Variants in RBFOX1 observed in about 807,000 individuals in gnomAD.
The protein encoded by RBFOX1 is RNA binding protein fox-1 homolog 1.
A neutral mutation model predicts 57.7 loss-of-function variants in RBFOX1; 8 were observed. The ratio of observed to expected loss-of-function variants is 0.14; its 90% CI spans 0.08 to 0.25. RBFOX1 has a LOEUF of 0.25. Ranked by LOEUF, RBFOX1 falls within the 10% of genes least tolerant of loss-of-function variation. The pLI, the probability that RBFOX1 is intolerant of heterozygous loss-of-function variation, is 1.00. For synonymous variants in RBFOX1, 326 were observed against 222.4 expected (o/e 1.47, Z -4.15); for missense variants, 611 against 548.5 (o/e 1.11, Z -1.14).
intron 3 of RBFOX1, among the ~76,000 whole-genome samples, chr16:6,749,957 A>G (rs2074593299): frequency 1.3e-5 from 2 of 152,204 alleles, no homozygotes; most frequent in South Asian, 4.1e-4. Context: ...GTTAGTAGGC[A>G]CACAAATGAA....
intron 4 of RBFOX1, among the ~76,000 whole-genome samples, chr16:7,402,908 C>T (rs550121508): frequency 6.6e-6 from 1 of 152,184 alleles, no homozygotes; most frequent in South Asian, 2.1e-4. Flanking sequence ...AAACTGTGGT[C>T]TATAGATGTA....
intron 2 of RBFOX1, among the ~76,000 whole-genome samples, chr16:5,556,842 A>G (rs11640221): frequency 0.38 from 57,925 of 151,908 alleles, 11,323 homozygotes; most frequent in Non-Finnish European, 0.42. Context: ...TGTGTACCCT[A>G]TTACTTCCCT....
intron 3 of RBFOX1, among the ~76,000 whole-genome samples, chr16:6,817,025 G>A (rs1384120585): frequency 2.0e-5 from 3 of 152,222 alleles, no homozygotes; most frequent in East Asian, 3.9e-4. Flanking sequence ...TGAGATGGCA[G>A]GTGCGAGTCA....
intron 3 of RBFOX1, among the ~76,000 whole-genome samples, chr16:6,871,478 G>A (rs1476098116): frequency 6.6e-6 from 1 of 152,038 alleles, no homozygotes; most frequent in Non-Finnish European, 1.5e-5. Flanking sequence ...GAGCCACCGT[G>A]CCCGGCCTCA....
intron 4 of RBFOX1, among the ~76,000 whole-genome samples, chr16:7,208,835 T>C (rs966256882): frequency 6.6e-6 from 1 of 152,054 alleles, no homozygotes; most frequent in African/African-American, 2.4e-5. Flanking sequence ...AGATTCTGTG[T>C]CTGTAAGCAA....
intron 4 of RBFOX1, among the ~76,000 whole-genome samples, chr16:7,210,028 C>G (rs1029929635): frequency 2.0e-5 from 3 of 152,120 alleles, no homozygotes; most frequent in African/African-American, 7.2e-5. Flanking sequence ...CAGTGAAAAC[C>G]AGGGATAGCG....
chr16:5,412,863 A>G lies in RBFOX1; in HGVS notation c.220-54353A>G, dbSNP rs142391185. On this transcript the variant is annotated intron_variant, in intron 1 of 2. Coordinates refer to the RBFOX1 transcript ENST00000585867. ...TGGGAAGGATCCAGGAGTCCTGAGC[A>G]GACAACTGTGAGCAAATGCTGGAAT... Among the ~76,000 whole-genome samples the G allele has an allele frequency of 5.2e-3, 796 of 152,312 alleles. 14 individuals carry two copies. The highest frequency in any genetic ancestry group is 0.018 in the African/African-American group (735 of 41,574).
chr16:5,539,152 G>A (rs552537150), intron 2 of RBFOX1, among the ~76,000 whole-genome samples: 3 of 152,302 alleles, frequency 2.0e-5, no homozygotes, highest in East Asian at 3.9e-4. Context: ...CAGGTGCATG[G>A]TTCAGGGAAA....
chr16:7,322,434 T>C (rs2096557522), intron 4 of RBFOX1, among the ~76,000 whole-genome samples: 2 of 152,236 alleles, frequency 1.3e-5, no homozygotes, highest in Admixed American at 1.3e-4. Flanking sequence ...ATCCAAGCTG[T>C]TAATATGAGC....
chr16:7,551,459 G>C (rs1436134924), intron 5 of RBFOX1, among the ~76,000 whole-genome samples: 2 of 152,182 alleles, frequency 1.3e-5, no homozygotes, highest in East Asian at 1.9e-4. Flanking sequence ...GCACTTGCTG[G>C]GTGAAAGCCA....
intron 3 of RBFOX1, among the ~76,000 whole-genome samples, chr16:6,977,734 G>T (rs1014092983): frequency 2.0e-5 from 3 of 152,070 alleles, no homozygotes; most frequent in Non-Finnish European, 4.4e-5. Flanking sequence ...GTGGAGGAAG[G>T]CTGAATAAAG....
At chr16:7,465,421 G>A (rs925098247) in intron 4 of RBFOX1, among the ~76,000 whole-genome samples, 1 of 152,222 alleles carries the variant, frequency 6.6e-6, no homozygotes, top group Non-Finnish European at 1.5e-5. Context: ...ACATGTAAGT[G>A]AAATAGGTGT....
At chr16:6,034,495 G>A (rs2095338204) in intron 1 of RBFOX1, among the ~76,000 whole-genome samples, 1 of 151,976 alleles carries the variant, frequency 6.6e-6, no homozygotes, top group Admixed American at 6.6e-5. Flanking sequence ...GGTGCTTCCT[G>A]GCTGCATCTT....
chr16:5,297,028 G>C (rs1259142142), intron 1 of RBFOX1, among the ~76,000 whole-genome samples: 1 of 152,120 alleles, frequency 6.6e-6, no homozygotes, highest in African/African-American at 2.4e-5. Context: ...TTGTCTTTCT[G>C]AGCTTGGCTT....
chr16:6,314,524 G>C (rs77160296), intron 1 of RBFOX1, among the ~76,000 whole-genome samples: 1 of 152,160 alleles, frequency 6.6e-6, no homozygotes, highest in South Asian at 2.1e-4. Context: ...ATGGGGCCAG[G>C]TGAAGGGCAG....
intron 4 of RBFOX1, among the ~76,000 whole-genome samples, chr16:7,064,014 G>A (rs1371994663): frequency 6.6e-6 from 1 of 152,164 alleles, no homozygotes; most frequent in East Asian, 1.9e-4. Flanking sequence ...TATATGGGCT[G>A]AGTTGTGTCC....
intron 4 of RBFOX1, among the ~76,000 whole-genome samples, chr16:7,441,015 A>G (rs2098761794): frequency 1.3e-5 from 2 of 151,716 alleles, no homozygotes; most frequent in African/African-American, 2.4e-5. Flanking sequence ...GTGCTTCAGC[A>G]TGGGTGACAG....
intron 2 of RBFOX1, among the ~76,000 whole-genome samples, chr16:6,629,853 C>A (rs1280644273): frequency 1.3e-5 from 2 of 151,294 alleles, no homozygotes; most frequent in Admixed American, 1.3e-4. Context: ...ATTTTTTATT[C>A]TTCTCATTTT....
At chr16:7,267,535 C>G (rs12102718) in intron 4 of RBFOX1, among the ~76,000 whole-genome samples, 2 of 150,960 alleles carry the variant, frequency 1.3e-5, no homozygotes, top group Non-Finnish European at 2.9e-5. Flanking sequence ...GACTCTATCT[C>G]GACAAAAAAT....
Sources: gnomAD v4.1 joint callset for allele counts (sites outside exome capture counted in the v4.1 genomes callset) on GRCh38, gnomAD v4.1.1 for gene constraint, MANE v1.5 for transcripts, NCBI Gene and HGNC (gene_info 2026-07-23, HGNC 2026-07-21) for gene names.